The following WFDC10B variants were observed in gnomAD, a reference collection of about 807,000 sequenced individuals.
WFDC10B encodes WAP four-disulfide core domain 10B, also known as protein WFDC10B.
WFDC10B carries 1 observed loss-of-function variant against 2.7 expected under a neutral mutation model. The observed-to-expected ratio is 0.38, with a 90% CI of 0.13 to 1.79. The LOEUF is 1.79. Among genes scored for constraint, WFDC10B ranks in the 40% most tolerant of loss-of-function variants. The probability of loss-of-function intolerance (pLI) is 0.33; values close to 1 mark genes in which losing one functional copy is unlikely to be tolerated. For missense variants in WFDC10B, 71 were observed against 87.8 expected (o/e 0.81, Z 0.76); for synonymous variants, 26 against 32.2 (o/e 0.81, Z 0.65).
chr20:45,692,603 T>C (rs1016054082), intron 2 of WFDC10B, among the ~76,000 whole-genome samples: 1 of 152,240 alleles, frequency 6.6e-6, no homozygotes, highest in Admixed American at 6.5e-5. Context: ...ACTGATACCC[T>C]TTCTTCCAGT....
intron 2 of WFDC10B, among the ~76,000 whole-genome samples, chr20:45,701,485 G>A (rs1264476724): frequency 6.6e-6 from 1 of 152,158 alleles, no homozygotes; most frequent in Admixed American, 6.5e-5. Flanking sequence ...CCTCAGACCA[G>A]GCGCGGTGGC....
chr20:45,698,269 T>A (rs1449816353), intron 2 of WFDC10B, among the ~76,000 whole-genome samples: 1 of 152,190 alleles, frequency 6.6e-6, no homozygotes, highest in Non-Finnish European at 1.5e-5. Flanking sequence ...CTTCAAAAAG[T>A]AGAATTCACA....
intron 2 of WFDC10B, among the ~76,000 whole-genome samples, chr20:45,686,877 T>C (rs1472856758): frequency 2.6e-5 from 4 of 152,144 alleles, no homozygotes; most frequent in African/African-American, 9.7e-5. Flanking sequence ...GCCAGGCTGG[T>C]CTTGAACTCC....
chr20:45,704,290 C>T lies in WFDC10B; in HGVS notation c.-65+207G>A, dbSNP rs542027551. On this transcript the variant is annotated intron_variant, in intron 2 of 3. Coordinates refer to ENST00000330523, the MANE Select transcript of WFDC10B (RefSeq NM_172006.2). ...TCCCTGCTCAGAACTCAGAGGAAGG[C>T]AGCAGCTGAGGACAAAACCTGATGC... Among the ~76,000 whole-genome samples, 23 of 152,270 alleles carry T rather than the reference C, an allele frequency of 1.5e-4. No individual in the cohort carries two copies. The South Asian group carries it at 1.7e-3, about 11-fold the overall frequency.
At position 45,700,818 on chromosome 20, in the gene WFDC10B, G is replaced by A. The variant is rs111534117; in HGVS notation, c.-65+3679C>T. On this transcript the variant is annotated intron_variant, in intron 2 of 3. Coordinates refer to ENST00000330523, the MANE Select transcript of WFDC10B (RefSeq NM_172006.2). ...CATATGATGTACTCAAGGGCCTAGC[G>A]AGCACAGTGAGGCATTAAAAATGGC... Among the ~76,000 whole-genome samples, 22 of 152,240 alleles carry A rather than the reference G, an allele frequency of 1.4e-4. 1 individual carries two copies. The highest frequency in any genetic ancestry group is 5.1e-4 in the African/African-American group (21 of 41,540).
chr20:45,687,283 A>G (rs1307425305), intron 2 of WFDC10B, among the ~76,000 whole-genome samples: 4 of 152,104 alleles, frequency 2.6e-5, no homozygotes, highest in African/African-American at 9.7e-5. Flanking sequence ...CTGTTCCTCC[A>G]TTAGTTTGCT....
In WFDC10B at chr20:45,702,326, C is replaced by T. The variant is rs1308124542; in HGVS notation, c.-65+2171G>A. ...AAATACCGTGTCATGTTCAAGGGCC[C>T]AAGCTTTATTGTTGGCAAGATCTAG... On this transcript the variant is annotated intron_variant, in intron 2 of 3. Coordinates refer to ENST00000330523, the MANE Select transcript of WFDC10B (RefSeq NM_172006.2). The T allele has an allele frequency of 3.7e-6, 4 of 1,085,498 alleles. No individual in the cohort carries two copies. In the East Asian group the frequency reaches 1.0e-4, roughly 28 times the overall value. The allele number at this position is 1,085,498 out of a possible 1,614,324, so 67.2% of individuals were successfully genotyped here. A position where few individuals can be genotyped will look rare whatever the true frequency, so the allele number is the denominator to read the frequency against.
At chr20:45,694,989 G>C (rs1485877160) in intron 2 of WFDC10B, among the ~76,000 whole-genome samples, 1 of 152,212 alleles carries the variant, frequency 6.6e-6, no homozygotes, top group Non-Finnish European at 1.5e-5. Flanking sequence ...TCCTGTGCTT[G>C]GGACCCTTCT....
chr20:45,702,058 C>T (rs1004182552), intron 2 of WFDC10B: 2 of 1,485,868 alleles, frequency 1.3e-6, no homozygotes, highest in African/African-American at 2.8e-5. Flanking sequence ...CTCTTCTCCT[C>T]ACAGCAGTGC....
intron 2 of WFDC10B, among the ~76,000 whole-genome samples, chr20:45,693,798 C>T (rs968217285): frequency 3.9e-5 from 6 of 152,360 alleles, no homozygotes; most frequent in African/African-American, 9.6e-5. Flanking sequence ...GGCAATGCCT[C>T]GCACTGCTTC....
intron 2 of WFDC10B, among the ~76,000 whole-genome samples, chr20:45,688,800 C>T (rs1269544911): frequency 2.0e-5 from 3 of 151,902 alleles, no homozygotes; most frequent in Admixed American, 6.6e-5. Flanking sequence ...GTTGCCTGTT[C>T]TCTGATGGTA....
At position 45,704,955 on chromosome 20, in the gene WFDC10B, C is replaced by T. The variant is rs751647034; in HGVS notation, c.-167G>A. On this transcript the variant is annotated 5_prime_UTR_variant, in exon 1 of 4. Transcript: ENST00000330523. ...CCAAAATCCCAAAGCAAAATTTGTC[C>T]TACACTTTTGCTTGCCCTCCTTTCA... 6.2e-7 allele frequency: 1 copy of T among 1,614,120 alleles called. No individual in the cohort carries two copies. The highest frequency in any genetic ancestry group is 8.5e-7 in the Non-Finnish European group (1 of 1,180,010).
rs1041170861 is a variant in WFDC10B, at chr20:45,684,675, T to G, written c.*155A>C. ...ATCCATGGGCATTTGTTCTGGTTTA[T>G]TTGACAGGGACAGGGAGTTCAGACA... On this transcript the variant is annotated 3_prime_UTR_variant, in exon 4 of 4. Coordinates refer to ENST00000330523, the MANE Select transcript of WFDC10B (RefSeq NM_172006.2). 9.8e-7 allele frequency: 1 copy of G among 1,015,916 alleles called. No individual in the cohort carries two copies. The highest frequency in any genetic ancestry group is 1.4e-6 in the Non-Finnish European group (1 of 703,544). The allele number at this position is 1,015,916 out of a possible 1,614,324, so 62.9% of individuals were successfully genotyped here.
chr20:45,696,933 A>C (rs1401938450), intron 2 of WFDC10B, among the ~76,000 whole-genome samples: 1 of 152,170 alleles, frequency 6.6e-6, no homozygotes, highest in Non-Finnish European at 1.5e-5. Context: ...CTATAATTAA[A>C]AAAAATTCAG....
At chr20:45,699,154 G>A (rs374491771) in intron 2 of WFDC10B, among the ~76,000 whole-genome samples, 49 of 152,252 alleles carry the variant, frequency 3.2e-4, no homozygotes, top group South Asian at 1.2e-3. Flanking sequence ...TGGAGAAATT[G>A]GAACCCTCGT....
In WFDC10B at chr20:45,686,103, G is replaced by A. The variant is rs1983608086; in HGVS notation, c.-64-47C>T. 6 of 1,504,520 alleles carry A rather than the reference G, an allele frequency of 4.0e-6. No individual in the cohort carries two copies. In the South Asian group the frequency reaches 5.3e-5, roughly 13 times the overall value. The allele number at this position is 1,504,520 out of a possible 1,614,324, so 93.2% of individuals were successfully genotyped here. On this transcript the variant is annotated intron_variant, in intron 2 of 3. Coordinates refer to ENST00000330523, the MANE Select transcript of WFDC10B (RefSeq NM_172006.2). ...AAGAAGGAATGATCTTCAGCTCCTC[G>A]CTGCCTCCACTGGACAAGTCAGGGC...
chr20:45,692,471 A>G lies in WFDC10B; in HGVS notation c.-64-6415T>C, dbSNP rs1715834204. On this transcript the variant is annotated intron_variant, in intron 2 of 3. Transcript: ENST00000330523. Reference sequence around the variant, plus strand: ...CATTCTCTCTGTCACTTTCAGGTACACCAATCAGACGTAGATTTGGTCTTT... The same window carrying G: ...CATTCTCTCTGTCACTTTCAGGTACGCCAATCAGACGTAGATTTGGTCTTT... 2.0e-5 allele frequency among the ~76,000 whole-genome samples: 3 copies of G among 152,186 alleles called. No homozygotes were observed. In the South Asian group the frequency reaches 6.2e-4, roughly 31 times the overall value.
chr20:45,684,879 TTA>T lies in WFDC10B; in HGVS notation c.171_172del (p.Asn57LysfsTer30). On this transcript the variant is annotated frameshift_variant, in exon 4 of 4. Transcript: ENST00000330523. LOFTEE classifies it low-confidence loss of function (END_TRUNC). ...CCCACAGAAGGCTGAACAGCATATC[TTA>T]TTTGTTTCACACTTTTGGAAATATG... The T allele has an allele frequency of 6.2e-7, 1 of 1,614,050 alleles. No homozygotes were observed. The highest frequency in any genetic ancestry group is 8.5e-7 in the Non-Finnish European group (1 of 1,179,958).
chr20:45,691,287 T>C (rs188076538), intron 2 of WFDC10B, among the ~76,000 whole-genome samples: 6 of 152,304 alleles, frequency 3.9e-5, no homozygotes, highest in African/African-American at 1.4e-4. Context: ...AGGTGTGTTG[T>C]GGTGCTGAAA....
Sources: allele counts gnomAD v4.1 joint callset (sites outside exome capture counted in the v4.1 genomes callset), GRCh38; gene constraint gnomAD v4.1.1; transcripts MANE v1.5; gene names NCBI Gene and HGNC (gene_info 2026-07-23, HGNC 2026-07-21).